The following PTPRD variants were observed in gnomAD, a reference collection of about 807,000 sequenced individuals.
The protein encoded by PTPRD is receptor-type tyrosine-protein phosphatase delta.
PTPRD carries 34 observed loss-of-function variants against 214.5 expected under a neutral mutation model. The ratio of observed to expected loss-of-function variants is 0.16; its 90% CI spans 0.12 to 0.21. The LOEUF (loss-of-function observed/expected upper bound fraction) is 0.21. Ranked by LOEUF, PTPRD falls within the 10% of genes least tolerant of loss-of-function variation. PTPRD has a pLI of 1.00. For missense variants in PTPRD, 2,545 were observed against 2,398.7 expected, an observed-to-expected ratio of 1.06 and a Z score of -1.27; for synonymous variants, 1,128 against 845.7, an observed-to-expected ratio of 1.33 and a Z score of -5.79.
intron 3 of PTPRD, among the ~76,000 whole-genome samples, chr9:10,130,128 T>G (rs1591908596): frequency 6.6e-6 from 1 of 152,116 alleles, no homozygotes; most frequent in East Asian, 1.9e-4. Context: ...AAATGTAAAC[T>G]TTTTAGACTA....
chr9:10,396,263 G>C (rs1349468544), intron 2 of PTPRD, among the ~76,000 whole-genome samples: 3 of 151,934 alleles, frequency 2.0e-5, no homozygotes, highest in African/African-American at 7.2e-5. Context: ...GAAATAGCAA[G>C]TTTATTTTAC....
intron 14 of PTPRD, among the ~76,000 whole-genome samples, chr9:8,547,605 C>T (rs924865679): frequency 2.0e-5 from 3 of 149,112 alleles, no homozygotes; most frequent in South Asian, 2.1e-4. Flanking sequence ...TTCACACCAC[C>T]GCACTCCAGC....
chr9:9,568,193 T>C (rs2085194563), intron 8 of PTPRD, among the ~76,000 whole-genome samples: 1 of 151,858 alleles, frequency 6.6e-6, no homozygotes, highest in Non-Finnish European at 1.5e-5. Context: ...TTCCTGTTAT[T>C]TGTGGCTCAA....
intron 2 of PTPRD, among the ~76,000 whole-genome samples, chr9:10,381,125 C>A (rs1333124869): frequency 1.3e-5 from 2 of 151,578 alleles, no homozygotes; most frequent in Non-Finnish European, 2.9e-5. Context: ...AAAAAGTAAC[C>A]CAAACCCTGT....
chr9:8,896,598 G>C (rs2098614210), intron 11 of PTPRD, among the ~76,000 whole-genome samples: 1 of 152,118 alleles, frequency 6.6e-6, no homozygotes, highest in East Asian at 1.9e-4. Context: ...TAATAAAACT[G>C]TTTACTTTAT....
At chr9:10,009,762 A>G (rs918659902) in intron 4 of PTPRD, among the ~76,000 whole-genome samples, 3 of 151,956 alleles carry the variant, frequency 2.0e-5, no homozygotes, top group Non-Finnish European at 4.4e-5. Flanking sequence ...AAAATATGTC[A>G]AAGTATATTT....
At chr9:8,860,823 A>G (rs1289694343) in intron 11 of PTPRD, 1 of 152,152 alleles carries the variant, frequency 6.6e-6, no homozygotes, top group African/African-American at 2.4e-5. Flanking sequence ...TCATCCAACT[A>G]TTTGGTGCCA....
At chr9:10,027,779 T>G (rs1035084591) in intron 4 of PTPRD, among the ~76,000 whole-genome samples, 1 of 152,184 alleles carries the variant, frequency 6.6e-6, no homozygotes, top group Non-Finnish European at 1.5e-5. Context: ...TCATACAGAT[T>G]GAAGTTTCCA....
chr9:8,537,566 C>G lies in PTPRD; in HGVS notation c.353-8787G>C, dbSNP rs144401567. Among the ~76,000 whole-genome samples, 116 of 152,126 alleles carry G rather than the reference C, an allele frequency of 7.6e-4. 1 individual carries two copies. Among genetic ancestry groups the G allele is most frequent in the African/African-American group, 2.6e-3 (106 of 41,560 alleles). ...TTTAGGTATCTCTTAAAGGCAGTCA[C>G]TGGATACAAGAGTCTCGAAAGATTT... On this transcript the variant is annotated intron_variant, in intron 14 of 45. Transcript: ENST00000381196.
At chr9:9,746,603 T>C (rs993682249) in intron 6 of PTPRD, among the ~76,000 whole-genome samples, 3 of 152,150 alleles carry the variant, frequency 2.0e-5, no homozygotes, top group Non-Finnish European at 4.4e-5. Flanking sequence ...TTATAACAAA[T>C]TGGGATATGA....
intron 11 of PTPRD, among the ~76,000 whole-genome samples, chr9:8,737,040 T>C (rs2090610643): frequency 6.6e-6 from 1 of 152,186 alleles, no homozygotes; most frequent in Non-Finnish European, 1.5e-5. Flanking sequence ...AGCCAACTGC[T>C]ACATAATGAC....
intron 39 of PTPRD, among the ~76,000 whole-genome samples, chr9:8,364,326 A>T (rs867931899): frequency 6.6e-6 from 1 of 152,258 alleles, no homozygotes; most frequent in African/African-American, 2.4e-5. Context: ...ATGGGTTATC[A>T]TTGGACAGTG....
At chr9:9,144,212 A>G (rs894961801) in intron 10 of PTPRD, among the ~76,000 whole-genome samples, 2 of 152,202 alleles carry the variant, frequency 1.3e-5, no homozygotes, top group Non-Finnish European at 2.9e-5. Context: ...GCTCTGTGAC[A>G]AAACCCTGAG....
intron 11 of PTPRD, among the ~76,000 whole-genome samples, chr9:9,013,770 T>C (rs1020377364): frequency 6.6e-6 from 1 of 152,132 alleles, no homozygotes; most frequent in African/African-American, 2.4e-5. Context: ...ACCCACTGTT[T>C]TTTCCAGTGG....
intron 2 of PTPRD, among the ~76,000 whole-genome samples, chr9:10,488,732 C>T (rs186628730): frequency 6.6e-5 from 10 of 152,268 alleles, no homozygotes; most frequent in Non-Finnish European, 1.3e-4. Flanking sequence ...CATCAACGGC[C>T]ACCGCCACCA....
chr9:10,167,225 T>C (rs903816971), intron 3 of PTPRD, among the ~76,000 whole-genome samples: 3 of 151,552 alleles, frequency 2.0e-5, no homozygotes, highest in African/African-American at 7.3e-5. Flanking sequence ...TTGTAGAGAG[T>C]CTTCTCTAGT....
At chr9:10,473,787 A>C (rs934691635) in intron 2 of PTPRD, among the ~76,000 whole-genome samples, 1 of 152,146 alleles carries the variant, frequency 6.6e-6, no homozygotes, top group Non-Finnish European at 1.5e-5. Context: ...TGTGTTAAAT[A>C]TTCTTGAAAC....
At position 8,517,925 on chromosome 9, in the gene PTPRD, G is replaced by A. The variant is rs551205020; in HGVS notation, c.1466C>T (p.Ser489Phe). ...TGAGGTAAAAGCCAGGACTTTGACA[G>A]AATATGTTTTCTGGGGCACTAAGTT... ...IGNLVPQKTY[S>F]VKVLAFTSIG... is the part of the protein sequence containing the mutation. The change falls in exon 21 of 46, where the codon TCT (serine) becomes TTT (phenylalanine). Residue 489 changes from serine to phenylalanine, a missense_variant. Transcript: ENST00000381196. 1 of 1,614,148 alleles carries A rather than the reference G, an allele frequency of 6.2e-7. No individual in the cohort carries two copies. The highest frequency in any genetic ancestry group is 8.5e-7 in the Non-Finnish European group (1 of 1,180,000).
At position 9,779,078 on chromosome 9, in the gene PTPRD, C is replaced by CAAAAAAAAAAAAAAAAAAAAAAAAAAAAA. The variant is rs869120926; in HGVS notation, c.-367-12228_-367-12227insTTTTTTTTTTTTTTTTTTTTTTTTTTTTT. On this transcript the variant is annotated intron_variant, in intron 5 of 45. Coordinates refer to ENST00000381196, the MANE Select transcript of PTPRD (RefSeq NM_002839.4). ...GCCATGTGATCTTTCATAAGACTGA[C>CAAAAAAAAAAAAAAAAAAAAAAAAAAAAA]AAAAAAAAAAAAAAAAAAAAAAAAA... Among the ~76,000 whole-genome samples the CAAAAAAAAAAAAAAAAAAAAAAAAAAAAA allele has an allele frequency of 5.5e-4, 25 of 45,484 alleles. 4 individuals carry two copies. The highest frequency in any genetic ancestry group is 8.9e-4 in the Non-Finnish European group (22 of 24,724). The allele number at this position is 45,484 out of a possible 152,430, so 29.8% of individuals were successfully genotyped here.
Sources: gnomAD v4.1 joint callset for allele counts (sites outside exome capture counted in the v4.1 genomes callset) on GRCh38, gnomAD v4.1.1 for gene constraint, MANE v1.5 for transcripts, NCBI Gene and HGNC (gene_info 2026-07-23, HGNC 2026-07-21) for gene names.